Variants in ROBO2 observed in about 807,000 individuals in gnomAD.
The protein encoded by ROBO2 is roundabout homolog 2.
A neutral mutation model predicts 160.8 loss-of-function variants in ROBO2; 53 were observed. The ratio of observed to expected loss-of-function variants is 0.33; its 90% CI spans 0.26 to 0.41. The LOEUF (loss-of-function observed/expected upper bound fraction) is 0.41. Ranked by LOEUF, ROBO2 falls within the 10% of genes least tolerant of loss-of-function variation. ROBO2 has a pLI of 1.00. For synonymous variants in ROBO2, 664 were observed against 611.7 expected (o/e 1.09, Z -1.26); for missense variants, 1,577 against 1,722.4 (o/e 0.92, Z 1.49).
intron 2 of ROBO2, among the ~76,000 whole-genome samples, chr3:76,599,981 C>A (rs1379118412): frequency 1.3e-5 from 2 of 152,132 alleles, no homozygotes; most frequent in Non-Finnish European, 2.9e-5. Flanking sequence ...TAGTTTCTCC[C>A]ATTCTGTAGA....
At chr3:76,305,524 G>A (rs141311769) in intron 2 of ROBO2, among the ~76,000 whole-genome samples, 1 of 151,822 alleles carries the variant, frequency 6.6e-6, no homozygotes, top group East Asian at 1.9e-4. Context: ...ACATTGGGTG[G>A]CTGAGGCAGG....
intron 2 of ROBO2, among the ~76,000 whole-genome samples, chr3:77,105,278 G>T (rs1316432808): frequency 6.6e-6 from 1 of 152,154 alleles, no homozygotes; most frequent in Non-Finnish European, 1.5e-5. Flanking sequence ...AAACTCCGTG[G>T]CGATGAGTTG....
At chr3:76,101,315 T>C (rs1188759502) in intron 2 of ROBO2, among the ~76,000 whole-genome samples, 1 of 152,170 alleles carries the variant, frequency 6.6e-6, no homozygotes, top group Admixed American at 6.5e-5. Flanking sequence ...TGCAACACTA[T>C]ACAGACAGCA....
At chr3:76,005,032 G>C (rs2065981777) in intron 2 of ROBO2, among the ~76,000 whole-genome samples, 1 of 152,180 alleles carries the variant, frequency 6.6e-6, no homozygotes, top group Non-Finnish European at 1.5e-5. Flanking sequence ...AAGGCTGGGA[G>C]TTCAATCTCT....
At chr3:76,797,401 A>G (rs2063782466) in intron 2 of ROBO2, among the ~76,000 whole-genome samples, 1 of 152,120 alleles carries the variant, frequency 6.6e-6, no homozygotes, top group East Asian at 1.9e-4. Flanking sequence ...TGAAATGGAA[A>G]CACAACATAC....
intron 2 of ROBO2, among the ~76,000 whole-genome samples, chr3:77,388,581 G>T (rs2074377948): frequency 6.6e-6 from 1 of 151,950 alleles, no homozygotes; most frequent in South Asian, 2.1e-4. Flanking sequence ...CATCCTTATT[G>T]TAATTTTCTA....
Position 76,469,089 on chromosome 3 carries a change from A to C in ROBO2, c.109+531487A>C, listed in dbSNP as rs145858141. 4.9e-3 allele frequency among the ~76,000 whole-genome samples: 739 copies of C among 152,160 alleles called. 4 individuals carry two copies. Among genetic ancestry groups the C allele is most frequent in the Middle Eastern group, 0.048 (14 of 294 alleles). ...TACTTCTTTATTAATGAATTAAGTC[A>C]ATTAATAGTGAATTCTACTTCTTAT... On this transcript the variant is annotated intron_variant, in intron 2 of 26. Coordinates refer to the ROBO2 transcript ENST00000487694.
intron 2 of ROBO2, among the ~76,000 whole-genome samples, chr3:76,701,527 A>C (rs760743732): frequency 6.6e-6 from 1 of 151,988 alleles, no homozygotes. Context: ...TTTTACTGTT[A>C]TTGATTCATT....
chr3:77,627,720 G>T (rs2153710279), intron 23 of ROBO2, among the ~76,000 whole-genome samples: 1 of 152,290 alleles, frequency 6.6e-6, no homozygotes, highest in South Asian at 2.1e-4. Flanking sequence ...ATTTGTAGCT[G>T]CAGCTTTTAC....
chr3:76,759,056 C>A (rs935821117), intron 2 of ROBO2, among the ~76,000 whole-genome samples: 2 of 151,786 alleles, frequency 1.3e-5, no homozygotes, highest in African/African-American at 4.8e-5. Context: ...ATTGACTAAA[C>A]ATATTGCAGC....
Position 77,628,954 on chromosome 3 carries a change from G to T in ROBO2, c.3761-5916G>T, listed in dbSNP as rs895068264. Among the ~76,000 whole-genome samples the T allele has an allele frequency of 3.3e-5, 5 of 152,240 alleles. No homozygotes were observed. In the East Asian group the frequency reaches 9.7e-4, roughly 29 times the overall value. ...AAGTACAAAAGAAAGAATAGCTGAC[G>T]TTCTTTCTGTATTTACCAATACTCA... On this transcript the variant is annotated intron_variant, in intron 23 of 25. Transcript: ENST00000461745.
chr3:76,573,758 C>T (rs1037683600), intron 2 of ROBO2, among the ~76,000 whole-genome samples: 3 of 152,016 alleles, frequency 2.0e-5, no homozygotes, highest in South Asian at 2.1e-4. Flanking sequence ...CAGCTAAGTA[C>T]CTGCAGAAGA....
At chr3:77,355,233 C>CCGCA (rs1186678017) in intron 2 of ROBO2, among the ~76,000 whole-genome samples, 1 of 152,336 alleles carries the variant, frequency 6.6e-6, no homozygotes, top group Non-Finnish European at 1.5e-5. Flanking sequence ...TTCTTCCCAT[C>CCGCA]TGCATACCCT....
chr3:76,674,211 C>T (rs2106737948), intron 2 of ROBO2, among the ~76,000 whole-genome samples: 1 of 152,138 alleles, frequency 6.6e-6, no homozygotes, highest in African/African-American at 2.4e-5. Flanking sequence ...AAACTAAATC[C>T]ATTCCATTAT....
chr3:77,356,332 A>G (rs998693599), intron 2 of ROBO2, among the ~76,000 whole-genome samples: 1 of 143,826 alleles, frequency 7.0e-6, no homozygotes, highest in Non-Finnish European at 1.5e-5. Flanking sequence ...TGTGCATGAG[A>G]GAGAGAGAGG....
chr3:77,088,473 A>T (rs992213703), intron 1 of ROBO2, among the ~76,000 whole-genome samples: 2 of 152,132 alleles, frequency 1.3e-5, no homozygotes, highest in African/African-American at 4.8e-5. Flanking sequence ...TGCCATGATG[A>T]TTTGCTGCAC....
intron 2 of ROBO2, among the ~76,000 whole-genome samples, chr3:76,266,656 G>A (rs1009495970): frequency 6.6e-6 from 1 of 152,058 alleles, no homozygotes; most frequent in African/African-American, 2.4e-5. Context: ...TGAAAGAAAC[G>A]AAGCACAAAA....
At chr3:76,245,690 G>A (rs1705574956) in intron 2 of ROBO2, among the ~76,000 whole-genome samples, 1 of 151,888 alleles carries the variant, frequency 6.6e-6, no homozygotes, top group Non-Finnish European at 1.5e-5. Context: ...GGGAATTCTT[G>A]CTAAGCATTA....
intron 2 of ROBO2, among the ~76,000 whole-genome samples, chr3:76,656,902 C>G (rs907981321): frequency 1.3e-5 from 2 of 152,100 alleles, no homozygotes; most frequent in African/African-American, 4.8e-5. Flanking sequence ...GATTGCAACC[C>G]TTAGTCTTTA....
Sources: gnomAD v4.1 joint callset for allele counts (sites outside exome capture counted in the v4.1 genomes callset) on GRCh38, gnomAD v4.1.1 for gene constraint, MANE v1.5 for transcripts, NCBI Gene and HGNC (gene_info 2026-07-23, HGNC 2026-07-21) for gene names.